OR5A2: variants seen among roughly 807,000 people sequenced by gnomAD.
OR5A2 encodes the protein olfactory receptor family 5 subfamily A member 2, also known as olfactory receptor 5A2.
For synonymous variants in OR5A2, 155 were observed against 151.1 expected, an observed-to-expected ratio of 1.03 and a Z score of -0.19; for missense variants, 406 against 398.9, an observed-to-expected ratio of 1.02 and a Z score of -0.15.
rs982409586 is a variant in OR5A2 at position 59,418,456 on chromosome 11, T to C, written c.*3523A>G. The C allele has an allele frequency of 1.3e-5, 2 of 152,224 alleles. No homozygotes were observed. The highest frequency in any genetic ancestry group is 1.3e-4 in the Admixed American group (2 of 15,278). The allele number at this position is 152,224 out of a possible 1,614,324, so 9.4% of individuals were successfully genotyped here. A position where few individuals can be genotyped will look rare whatever the true frequency, so the allele number is the denominator to read the frequency against. On this transcript the variant is annotated 3_prime_UTR_variant, in exon 2 of 2. Coordinates refer to ENST00000302040, the MANE Select transcript of OR5A2 (RefSeq NM_001001954.2). ...AACATGAGTGCCACACCCTAGATGA[T>C]GGTAATTTTACTAAAGTGAATTCTA...
In OR5A2 at chr11:59,419,347, A is replaced by G. The variant is rs1025052940; in HGVS notation, c.*2632T>C. 1 of 152,206 alleles carries G rather than the reference A, an allele frequency of 6.6e-6. No individual in the cohort carries two copies. The highest frequency in any genetic ancestry group is 1.5e-5 in the Non-Finnish European group (1 of 68,032). 9.4% of individuals were successfully genotyped at this position (152,206 alleles called of 1,614,324 possible). A position where few individuals can be genotyped will look rare whatever the true frequency, so the allele number is the denominator to read the frequency against. Reference sequence around the variant, plus strand: ...TAATAATGTAAGCTAACCTGTACTAAGTATTACCATATGCCAGGCACTGGG... The same window carrying G: ...TAATAATGTAAGCTAACCTGTACTAGGTATTACCATATGCCAGGCACTGGG... On this transcript the variant is annotated 3_prime_UTR_variant, in exon 2 of 2. Transcript: ENST00000302040.
rs1029621127 is a variant in OR5A2 at position 59,420,097 on chromosome 11, G to A, written c.*1882C>T. The A allele has an allele frequency of 1.3e-5, 2 of 152,100 alleles. No homozygotes were observed. The highest frequency in any genetic ancestry group is 1.3e-4 in the Admixed American group (2 of 15,248). 9.4% of individuals were successfully genotyped at this position (152,100 alleles called of 1,614,324 possible). A position where few individuals can be genotyped will look rare whatever the true frequency, so the allele number is the denominator to read the frequency against. ...TGGTGTTAAATAAAACCCATCTAAT[G>A]AGAATTTATGGTTTGCAGGGCATGA... On this transcript the variant is annotated 3_prime_UTR_variant, in exon 2 of 2. Coordinates refer to ENST00000302040, the MANE Select transcript of OR5A2 (RefSeq NM_001001954.2).
rs1746439761 is a variant in OR5A2 at position 59,426,347 on chromosome 11, T to C, written c.-268A>G. 4 of 152,254 alleles carry C rather than the reference T, an allele frequency of 2.6e-5. No homozygotes were observed. The highest frequency in any genetic ancestry group is 2.6e-4 in the Admixed American group (4 of 15,288). The allele number at this position is 152,254 out of a possible 1,614,324, so 9.4% of individuals were successfully genotyped here. On this transcript the variant is annotated 5_prime_UTR_variant, in exon 1 of 2. It removes an upstream start codon present in the reference 5' UTR. Transcript: ENST00000302040. Reference sequence around the variant, plus strand: ...TTGGCCTCATGTAAATAGTAAACCATGCTTCTGGAATCTCCGCTCCTTTGT... The same window carrying C: ...TTGGCCTCATGTAAATAGTAAACCACGCTTCTGGAATCTCCGCTCCTTTGT...
rs1858193240 is a variant in OR5A2, at chr11:59,419,208, T to A, written c.*2771A>T. 1 of 152,194 alleles carries A rather than the reference T, an allele frequency of 6.6e-6. No individual in the cohort carries two copies. Among genetic ancestry groups the A allele is most frequent in the African/African-American group, 2.4e-5 (1 of 41,462 alleles). 9.4% of individuals were successfully genotyped at this position (152,194 alleles called of 1,614,324 possible). A position where few individuals can be genotyped will look rare whatever the true frequency, so the allele number is the denominator to read the frequency against. The stretch of plus-strand genomic sequence containing the variant: ...TAGTAATATGGGTGCACCTGTTGGC[T>A]GAGACTGATATGTCTCAATTGGAGT... On this transcript the variant is annotated 3_prime_UTR_variant, in exon 2 of 2. Coordinates refer to ENST00000302040, the MANE Select transcript of OR5A2 (RefSeq NM_001001954.2).
At chr11:59,425,869 T>C (rs1858296461) in intron 1 of OR5A2, 1 of 152,210 alleles carries the variant, frequency 6.6e-6, no homozygotes, top group African/African-American at 2.4e-5. Context: ...GGCCTATGAC[T>C]TACTATATTT....
In OR5A2 at chr11:59,422,857, G is replaced by C; in HGVS notation, c.97C>G (p.Leu33Val). Reference sequence around the variant, plus strand: ...GCCAACGTCAGGAGGTAGAGCCCCAGAAATAACATGAAAAGGAAAATCTTC... The same window carrying C: ...GCCAACGTCAGGAGGTAGAGCCCCACAAATAACATGAAAAGGAAAATCTTC... ...QMKIFLFMLF[L>V]GLYLLTLAWN... The change falls in exon 2 of 2, where the codon CTG becomes GTG. Residue 33 changes from leucine to valine, a missense_variant. By Grantham distance (32) the Leu-to-Val change is conservative. Transcript: ENST00000302040. The C allele has an allele frequency of 6.2e-7, 1 of 1,614,146 alleles. No individual in the cohort carries two copies. The highest frequency in any genetic ancestry group is 8.5e-7 in the Non-Finnish European group (1 of 1,180,006).
rs1858185374 is a variant in OR5A2 at position 59,418,621 on chromosome 11, T to A, written c.*3358A>T. ...ATATGCCCCATAATAAATACACTTG[T>A]TTAGGAAATATTTAACATGTGGCTT... On this transcript the variant is annotated 3_prime_UTR_variant, in exon 2 of 2. Transcript: ENST00000302040. 6.6e-6 allele frequency: 1 copy of A among 152,092 alleles called. No individual in the cohort carries two copies. Among genetic ancestry groups the A allele is most frequent in the Non-Finnish European group, 1.5e-5 (1 of 68,004 alleles). The allele number at this position is 152,092 out of a possible 1,614,324, so 9.4% of individuals were successfully genotyped here. A position where few individuals can be genotyped will look rare whatever the true frequency, so the allele number is the denominator to read the frequency against.
In OR5A2 at chr11:59,419,193, G is replaced by A. The variant is rs1858193009; in HGVS notation, c.*2786C>T. On this transcript the variant is annotated 3_prime_UTR_variant, in exon 2 of 2. Transcript: ENST00000302040. ...GAGAAATCATAGAGATAGTAATATG[G>A]GTGCACCTGTTGGCTGAGACTGATA... The A allele has an allele frequency of 6.6e-6, 1 of 152,074 alleles. No individual in the cohort carries two copies. Among genetic ancestry groups the A allele is most frequent in the South Asian group, 2.1e-4 (1 of 4,820 alleles). The allele number at this position is 152,074 out of a possible 1,614,324, so 9.4% of individuals were successfully genotyped here.
chr11:59,420,403 T>TA lies in OR5A2; in HGVS notation c.*1575_*1576insT, dbSNP rs1858207656. On this transcript the variant is annotated 3_prime_UTR_variant, in exon 2 of 2. Coordinates refer to ENST00000302040, the MANE Select transcript of OR5A2 (RefSeq NM_001001954.2). ...AAACTAAGGAAATCTCTTCTATTTC[T>TA]TCTATTTGGATAATGATTAAGCATT... 2 of 152,146 alleles carry TA rather than the reference T, an allele frequency of 1.3e-5. No homozygotes were observed. The highest frequency in any genetic ancestry group is 4.8e-5 in the African/African-American group (2 of 41,448). The allele number at this position is 152,146 out of a possible 1,614,324, so 9.4% of individuals were successfully genotyped here. A position where few individuals can be genotyped will look rare whatever the true frequency, so the allele number is the denominator to read the frequency against.
rs970658836 is a variant in OR5A2, at chr11:59,418,454, G to A, written c.*3525C>T. Reference sequence around the variant, plus strand: ...CAAACATGAGTGCCACACCCTAGATGATGGTAATTTTACTAAAGTGAATTC... The same window carrying A: ...CAAACATGAGTGCCACACCCTAGATAATGGTAATTTTACTAAAGTGAATTC... On this transcript the variant is annotated 3_prime_UTR_variant, in exon 2 of 2. Transcript: ENST00000302040. 1 of 152,122 alleles carries A rather than the reference G, an allele frequency of 6.6e-6. No homozygotes were observed. Among genetic ancestry groups the A allele is most frequent in the Non-Finnish European group, 1.5e-5 (1 of 68,010 alleles). 9.4% of individuals were successfully genotyped at this position (152,122 alleles called of 1,614,324 possible).
At position 59,422,135 on chromosome 11, in the gene OR5A2, C is replaced by A. The variant is rs145255279; in HGVS notation, c.819G>T (p.Lys273Asn). Residue 273 changes from lysine to asparagine, a missense_variant, in exon 2 of 2, where the codon AAG (lysine) becomes AAT (asparagine). Physicochemically the swap from Lys to Asn is moderately conservative, Grantham distance 94. Transcript: ENST00000302040. ...PSSSYSLNRD[K>N]VVSIFYALVI... Reference sequence around the variant, plus strand: ...CCAAGGCATAGAATATGGACACCACCTTGTCCCTGTTTAGGGAGTAGCTGG... The same window carrying A: ...CCAAGGCATAGAATATGGACACCACATTGTCCCTGTTTAGGGAGTAGCTGG... 9.3e-6 allele frequency: 15 copies of A among 1,613,898 alleles called. No individual in the cohort carries two copies. The highest frequency in any genetic ancestry group is 8.3e-5 in the Admixed American group (5 of 59,988).
rs1858233663 is a variant in OR5A2 at position 59,422,202 on chromosome 11, A to G, written c.752T>C (p.Leu251Pro). 4 of 1,614,028 alleles carry G rather than the reference A, an allele frequency of 2.5e-6. No homozygotes were observed. Among genetic ancestry groups the G allele is most frequent in the Non-Finnish European group, 3.4e-6 (4 of 1,180,026 alleles). ...TCASHLTAVTLFYGSGFFMYM... is the reference protein window; with the variant it reads ...TCASHLTAVTPFYGSGFFMYM... ...CATGAAGAATCCAGAACCATAGAAG[A>G]GGGTCACAGCAGTCAGGTGAGAGGC... The change falls in exon 2 of 2, where the codon CTC (leucine) becomes CCC (proline). Residue 251 changes from leucine to proline, a missense_variant. Leu to Pro is a moderately conservative substitution (Grantham distance 98). Transcript: ENST00000302040.
At position 59,421,878 on chromosome 11, in the gene OR5A2, G is replaced by A. The variant is rs1590606313; in HGVS notation, c.*101C>T. 1 of 1,292,468 alleles carries A rather than the reference G, an allele frequency of 7.7e-7. No individual in the cohort carries two copies. The highest frequency in any genetic ancestry group is 1.1e-6 in the Non-Finnish European group (1 of 946,464). The allele number at this position is 1,292,468 out of a possible 1,614,324, so 80.1% of individuals were successfully genotyped here. A position where few individuals can be genotyped will look rare whatever the true frequency, so the allele number is the denominator to read the frequency against. ...CTATTAGTGAAATCTTAAGCAGGAG[G>A]GAAAAAAGCCTGATTCCCACAATTC... is the stretch of plus-strand genomic sequence containing the variant. On this transcript the variant is annotated 3_prime_UTR_variant, in exon 2 of 2. Coordinates refer to ENST00000302040, the MANE Select transcript of OR5A2 (RefSeq NM_001001954.2).
In OR5A2 at chr11:59,421,532, T is replaced by G. The variant is rs1208519831; in HGVS notation, c.*447A>C. 6.3e-6 allele frequency: 1 copy of G among 157,704 alleles called. No individual in the cohort carries two copies. The highest frequency in any genetic ancestry group is 1.4e-5 in the Non-Finnish European group (1 of 71,208). 9.8% of individuals were successfully genotyped at this position (157,704 alleles called of 1,614,324 possible). A position where few individuals can be genotyped will look rare whatever the true frequency, so the allele number is the denominator to read the frequency against. On this transcript the variant is annotated 3_prime_UTR_variant, in exon 2 of 2. Transcript: ENST00000302040. ...TGATTCTGAAACATGGGAAGGTATC[T>G]GCCCTGTGGTTTTCATGAGCTCTAA...
rs1395688477 is a variant in OR5A2, at chr11:59,421,855, A to G, written c.*124T>C. The G allele has an allele frequency of 2.8e-6, 3 of 1,058,562 alleles. No individual in the cohort carries two copies. The highest frequency in any genetic ancestry group is 2.4e-5 in the East Asian group (1 of 41,894). 65.6% of individuals were successfully genotyped at this position (1,058,562 alleles called of 1,614,324 possible). On this transcript the variant is annotated 3_prime_UTR_variant, in exon 2 of 2. Coordinates refer to ENST00000302040, the MANE Select transcript of OR5A2 (RefSeq NM_001001954.2). ...TTTTCTAATAGCCAACAGGCAAACT[A>G]TTAGTGAAATCTTAAGCAGGAGGGA...
In OR5A2 at chr11:59,418,088, G is replaced by T. The variant is rs544554123; in HGVS notation, c.*3891C>A. On this transcript the variant is annotated 3_prime_UTR_variant, in exon 2 of 2. Transcript: ENST00000302040. ...ATCTATAAATATTGATTAGAAGGGA[G>T]GACAGTCATCTTGGAAGAAAGGAAA... 31 of 152,204 alleles carry T rather than the reference G, an allele frequency of 2.0e-4. No individual in the cohort carries two copies. Among genetic ancestry groups the T allele is most frequent in the Admixed American group, 2.0e-3 (31 of 15,276 alleles). The allele number at this position is 152,204 out of a possible 1,614,324, so 9.4% of individuals were successfully genotyped here. A position where few individuals can be genotyped will look rare whatever the true frequency, so the allele number is the denominator to read the frequency against.
Position 59,421,834 on chromosome 11 carries a change from C to G in OR5A2, c.*145G>C, listed in dbSNP as rs1858224393. The G allele has an allele frequency of 1.1e-6, 1 of 883,260 alleles. No individual in the cohort carries two copies. Among genetic ancestry groups the G allele is most frequent in the East Asian group, 2.5e-5 (1 of 40,456 alleles). 54.7% of individuals were successfully genotyped at this position (883,260 alleles called of 1,614,324 possible). ...CAAGCAACAATGGCCAAAATGTTTTCTAATAGCCAACAGGCAAACTATTAG... is the reference window on the plus strand; with the variant it reads ...CAAGCAACAATGGCCAAAATGTTTTGTAATAGCCAACAGGCAAACTATTAG... On this transcript the variant is annotated 3_prime_UTR_variant, in exon 2 of 2. Transcript: ENST00000302040.
Position 59,421,961 on chromosome 11 carries a change from A to T in OR5A2, c.*18T>A. Reference sequence around the variant, plus strand: ...AATGTCTGCACAATTCACCTAGCTCACAGCTTCATTGTAAACATTAGCCCA... The same window carrying T: ...AATGTCTGCACAATTCACCTAGCTCTCAGCTTCATTGTAAACATTAGCCCA... On this transcript the variant is annotated 3_prime_UTR_variant, in exon 2 of 2. Transcript: ENST00000302040. 1 of 1,568,100 alleles carries T rather than the reference A, an allele frequency of 6.4e-7. No individual in the cohort carries two copies. The highest frequency in any genetic ancestry group is 8.6e-7 in the Non-Finnish European group (1 of 1,156,428).
rs975439477 is a variant in OR5A2 at position 59,417,625 on chromosome 11, G to A, written c.*4354C>T. ...ATCACCTTACATGCAAGATAGTCAG[G>A]TTGCCCCTGCTTGCTTTTATGTCAG... is the stretch of plus-strand genomic sequence containing the variant. On this transcript the variant is annotated 3_prime_UTR_variant, in exon 2 of 2. Coordinates refer to ENST00000302040, the MANE Select transcript of OR5A2 (RefSeq NM_001001954.2). 2.0e-5 allele frequency: 3 copies of A among 152,020 alleles called. No homozygotes were observed. The highest frequency in any genetic ancestry group is 7.2e-5 in the African/African-American group (3 of 41,408). The allele number at this position is 152,020 out of a possible 1,614,324, so 9.4% of individuals were successfully genotyped here. A position where few individuals can be genotyped will look rare whatever the true frequency, so the allele number is the denominator to read the frequency against.
Sources: allele counts gnomAD v4.1 joint callset, GRCh38; gene constraint gnomAD v4.1.1; transcripts MANE v1.5; gene names NCBI Gene and HGNC (gene_info 2026-07-23, HGNC 2026-07-21).